The following ERVMER34-1 variants were observed in gnomAD, a reference collection of about 807,000 sequenced individuals.
ERVMER34-1 encodes endogenous retroviral envelope protein HEMO.
For synonymous variants in ERVMER34-1, 199 were observed against 111.7 expected (o/e 1.78, Z -4.93); for missense variants, 471 against 295.1 (o/e 1.60, Z -4.37).
rs1716121789 is a variant in ERVMER34-1 at position 52,745,239 on chromosome 4, G to A, written c.282C>T (p.Ser94=). The A allele has an allele frequency of 1.4e-6, 1 of 704,068 alleles. No homozygotes were observed. The highest frequency in any genetic ancestry group is 2.6e-6 in the Non-Finnish European group (1 of 384,996). The allele number at this position is 704,068 out of a possible 1,614,324, so 43.6% of individuals were successfully genotyped here. A position where few individuals can be genotyped will look rare whatever the true frequency, so the allele number is the denominator to read the frequency against. ...CCCAGTGCCAAGTCACTTTACGATA[G>A]GAGGAAGTAGAGTGATTCTGTACTT... ...QAEVQNHSTS[S]YRKVTWHWEA... Residue 94 remains serine, a synonymous_variant, in exon 3 of 3, where the codon TCC becomes TCT. Transcript: ENST00000443173.
At chr4:52,748,850 A>G (rs1204238481) in intron 2 of ERVMER34-1, among the ~76,000 whole-genome samples, 1 of 151,102 alleles carries the variant, frequency 6.6e-6, no homozygotes, top group African/African-American at 2.4e-5. Context: ...TGCATAGCAT[A>G]TTTTTTTTTC....
rs369303904 is a variant in ERVMER34-1 at position 52,744,224 on chromosome 4, G to T, written c.1297C>A (p.Arg433=). 2.8e-6 allele frequency: 2 copies of T among 704,108 alleles called. No individual in the cohort carries two copies. The highest frequency in any genetic ancestry group is 5.2e-6 in the Non-Finnish European group (2 of 385,006). 43.6% of individuals were successfully genotyped at this position (704,108 alleles called of 1,614,324 possible). Residue 433 remains arginine, a synonymous_variant, in exon 3 of 3, where the codon CGA becomes AGA. Transcript: ENST00000443173. ...DHVLDIPTTQ[R]QTACGTVGKQ... is the part of the protein sequence containing the mutation. ...CCAACAGTTCCACAAGCCGTTTGTCGTTGGGTGGTCGGTATATCCAAGACA... is the reference window on the plus strand; with the variant it reads ...CCAACAGTTCCACAAGCCGTTTGTCTTTGGGTGGTCGGTATATCCAAGACA...
At position 52,744,235 on chromosome 4, in the gene ERVMER34-1, G is replaced by A. The variant is rs141114710; in HGVS notation, c.1286C>T (p.Pro429Leu). 4.8e-3 allele frequency: 3,349 copies of A among 703,992 alleles called. 33 individuals carry two copies. Among genetic ancestry groups the A allele is most frequent in the Middle Eastern group, 0.017 (75 of 4,370 alleles). The allele number at this position is 703,992 out of a possible 1,614,324, so 43.6% of individuals were successfully genotyped here. The part of the protein sequence containing the change: ...ASRKDHVLDI[P>L]TTQRQTACGT... ...ACAAGCCGTTTGTCGTTGGGTGGTCGGTATATCCAAGACATGATCCTTTCG... is the reference window on the plus strand; with the variant it reads ...ACAAGCCGTTTGTCGTTGGGTGGTCAGTATATCCAAGACATGATCCTTTCG... Residue 429 changes from proline to leucine, a missense_variant, in exon 3 of 3, where the codon CCG becomes CTG. Pro to Leu is a moderately conservative substitution (Grantham distance 98, BLOSUM62 -3). Coordinates refer to ENST00000443173, the MANE Select transcript of ERVMER34-1 (RefSeq NM_001242690.2).
intron 2 of ERVMER34-1, among the ~76,000 whole-genome samples, chr4:52,748,860 C>CT (rs920653974): frequency 5.3e-5 from 8 of 150,604 alleles, no homozygotes; most frequent in Non-Finnish European, 3.0e-5. Flanking sequence ...ATTTTTTTTT[C>CT]TTTTTTTTCC....
chr4:52,750,297 C>T (rs187553424), intron 2 of ERVMER34-1, among the ~76,000 whole-genome samples: 4 of 151,582 alleles, frequency 2.6e-5, no homozygotes, highest in African/African-American at 9.8e-5. Context: ...CTGCGCCCTA[C>T]CCCCCCATAG....
At chr4:52,748,555 C>G (rs1296951566) in intron 2 of ERVMER34-1, among the ~76,000 whole-genome samples, 1 of 152,146 alleles carries the variant, frequency 6.6e-6, no homozygotes, top group Non-Finnish European at 1.5e-5. Flanking sequence ...CCCGCAAAGG[C>G]CTTGCGTCAC....
In ERVMER34-1 at chr4:52,745,123, C is replaced by T. The variant is rs185720967; in HGVS notation, c.398G>A (p.Ser133Asn). 7 of 704,152 alleles carry T rather than the reference C, an allele frequency of 9.9e-6. No individual in the cohort carries two copies. The Admixed American group carries it at 1.0e-4, about 10-fold the overall frequency. 43.6% of individuals were successfully genotyped at this position (704,152 alleles called of 1,614,324 possible). A position where few individuals can be genotyped will look rare whatever the true frequency, so the allele number is the denominator to read the frequency against. The change falls in exon 3 of 3, where the codon AGT (serine) becomes AAT (asparagine). Residue 133 changes from serine (S) to asparagine (N), a missense_variant. Transcript: ENST00000443173. ...AGGTATATTACCTAGGAAGGGTCCACTGCCATTTTTATTTTCTACGCAAAG... is the reference window on the plus strand; with the variant it reads ...AGGTATATTACCTAGGAAGGGTCCATTGCCATTTTTATTTTCTACGCAAAG... Reference protein sequence around the residue: ...FSLCVENKNGSGPFLGNIPKQ... With the variant: ...FSLCVENKNGNGPFLGNIPKQ...
In ERVMER34-1 at chr4:52,743,085, G is replaced by T. The variant is rs1560435709; in HGVS notation, c.*744C>A. On this transcript the variant is annotated 3_prime_UTR_variant, in exon 3 of 3. Coordinates refer to ENST00000443173, the MANE Select transcript of ERVMER34-1 (RefSeq NM_001242690.2). ...AGATGCATGTAAGGAACTCACCAGA[G>T]GACTGGGCAGAGTGAAGCATTTGAT... 1 of 151,404 alleles carries T rather than the reference G, an allele frequency of 6.6e-6. No individual in the cohort carries two copies. The highest frequency in any genetic ancestry group is 1.5e-5 in the Non-Finnish European group (1 of 67,954). 9.4% of individuals were successfully genotyped at this position (151,404 alleles called of 1,614,324 possible).
Position 52,745,016 on chromosome 4 carries a change from T to A in ERVMER34-1, c.505A>T (p.Arg169Trp), listed in dbSNP as rs1382378907. 1 of 704,196 alleles carries A rather than the reference T, an allele frequency of 1.4e-6. No individual in the cohort carries two copies. Among genetic ancestry groups the A allele is most frequent in the Admixed American group, 2.0e-5 (1 of 50,022 alleles). 43.6% of individuals were successfully genotyped at this position (704,196 alleles called of 1,614,324 possible). A position where few individuals can be genotyped will look rare whatever the true frequency, so the allele number is the denominator to read the frequency against. ...ACACTTGTATCATCATCATCGTTCC[T>A]GGATTCATTTGTAACATCTATAGAG... ...MPSIDVTNESRNDDDDTSVCL... is the reference protein window; with the variant it reads ...MPSIDVTNESWNDDDDTSVCL... The change falls in exon 3 of 3, where the codon AGG (arginine) becomes TGG (tryptophan). Residue 169 changes from arginine (R) to tryptophan (W), a missense_variant. Coordinates refer to ENST00000443173, the MANE Select transcript of ERVMER34-1 (RefSeq NM_001242690.2).
chr4:52,744,883 C>T lies in ERVMER34-1; in HGVS notation c.638G>A (p.Trp213Ter), dbSNP rs897252967. ...GGTCAATCCAGAATTTCGATCTACCCATTTGTAGTCTTGGGTATTGGGCAG... is the reference window on the plus strand; with the variant it reads ...GGTCAATCCAGAATTTCGATCTACCTATTTGTAGTCTTGGGTATTGGGCAG... ...IGLPNTQDYK[W>*]VDRNSGLTWS... is the part of the protein sequence containing the mutation. The change falls in exon 3 of 3, where the codon TGG becomes TAG. Residue 213 changes from tryptophan to a stop codon, truncating the protein, a stop_gained. Transcript: ENST00000443173. LOFTEE classifies it low-confidence loss of function (END_TRUNC). 1.3e-5 allele frequency: 9 copies of T among 703,964 alleles called. No homozygotes were observed. The Admixed American group carries it at 1.6e-4, about 13-fold the overall frequency. 43.6% of individuals were successfully genotyped at this position (703,964 alleles called of 1,614,324 possible). A position where few individuals can be genotyped will look rare whatever the true frequency, so the allele number is the denominator to read the frequency against.
chr4:52,743,990 C>A lies in ERVMER34-1; in HGVS notation c.1531G>T (p.Val511Phe). 1.3e-6 allele frequency: 1 copy of A among 742,346 alleles called. No individual in the cohort carries two copies. The highest frequency in any genetic ancestry group is 2.0e-5 in the Admixed American group (1 of 50,062). The allele number at this position is 742,346 out of a possible 1,614,324, so 46.0% of individuals were successfully genotyped here. ...LFIFVLIYVR[V>F]FRKSRRSLNS... ...AGGGATCTGCGAGATTTGCGAAAGACACGAACATAGATTAAAACAAAGATG... is the reference window on the plus strand; with the variant it reads ...AGGGATCTGCGAGATTTGCGAAAGAAACGAACATAGATTAAAACAAAGATG... Residue 511 changes from valine (V) to phenylalanine (F), a missense_variant, in exon 3 of 3, where the codon GTC (valine) becomes TTC (phenylalanine). Transcript: ENST00000443173.
At position 52,745,240 on chromosome 4, in the gene ERVMER34-1, G is replaced by A. The variant is rs1217128631; in HGVS notation, c.281C>T (p.Ser94Phe). ...QAEVQNHSTSSYRKVTWHWEA... is the reference protein window; with the variant it reads ...QAEVQNHSTSFYRKVTWHWEA... ...CCAGTGCCAAGTCACTTTACGATAGGAGGAAGTAGAGTGATTCTGTACTTC... is the reference window on the plus strand; with the variant it reads ...CCAGTGCCAAGTCACTTTACGATAGAAGGAAGTAGAGTGATTCTGTACTTC... The change falls in exon 3 of 3, where the codon TCC (serine) becomes TTC (phenylalanine). Residue 94 changes from serine (S) to phenylalanine (F), a missense_variant. Transcript: ENST00000443173. 1.4e-6 allele frequency: 1 copy of A among 703,920 alleles called. No individual in the cohort carries two copies. Among genetic ancestry groups the A allele is most frequent in the Non-Finnish European group, 2.6e-6 (1 of 385,014 alleles). The allele number at this position is 703,920 out of a possible 1,614,324, so 43.6% of individuals were successfully genotyped here.
At position 52,743,551 on chromosome 4, in the gene ERVMER34-1, T is replaced by C. The variant is rs567982867; in HGVS notation, c.*278A>G. 1.6e-5 allele frequency: 5 copies of C among 308,364 alleles called. No homozygotes were observed. The highest frequency in any genetic ancestry group is 1.1e-4 in the East Asian group (2 of 18,158). 19.1% of individuals were successfully genotyped at this position (308,364 alleles called of 1,614,324 possible). ...CAATAGAAAAAACATTTATTATATA[T>C]GCATGCAAGAACACTACAAAGAGTA... is the stretch of plus-strand genomic sequence containing the variant. On this transcript the variant is annotated 3_prime_UTR_variant, in exon 3 of 3. Coordinates refer to ENST00000443173, the MANE Select transcript of ERVMER34-1 (RefSeq NM_001242690.2).
In ERVMER34-1 at chr4:52,744,283, ACTTT is replaced by A. The variant is rs1394056892; in HGVS notation, c.1234_1237del (p.Lys412LeufsTer4). On this transcript the variant is annotated frameshift_variant, in exon 3 of 3. Transcript: ENST00000443173. LOFTEE classifies it low-confidence loss of function (END_TRUNC). The stretch of plus-strand genomic sequence containing the variant: ...TCGGGATGCAGAGGCTAAACTGCTA[ACTTT>A]TGATTGGTGTGCTTCCAAGGTCTGC... 1 of 704,184 alleles carries A rather than the reference ACTTT, an allele frequency of 1.4e-6. No homozygotes were observed. The highest frequency in any genetic ancestry group is 2.0e-5 in the Admixed American group (1 of 50,018). 43.6% of individuals were successfully genotyped at this position (704,184 alleles called of 1,614,324 possible).
chr4:52,745,181 C>A lies in ERVMER34-1; in HGVS notation c.340G>T (p.Ala114Ser), dbSNP rs930071631. Reference sequence around the variant, plus strand: ...TTTCCCTCCAATAACCTTACTTGAGCAAAGGATAGACCTTGAGCTTCCATG... The same window carrying A: ...TTTCCCTCCAATAACCTTACTTGAGAAAAGGATAGACCTTGAGCTTCCATG... ...ASMEAQGLSF[A>S]QVRLLEGNFS... The change falls in exon 3 of 3, where the codon GCT becomes TCT. Residue 114 changes from alanine to serine, a missense_variant. Ala to Ser is a moderately conservative substitution (Grantham distance 99). Coordinates refer to ENST00000443173, the MANE Select transcript of ERVMER34-1 (RefSeq NM_001242690.2). The A allele has an allele frequency of 2.8e-6, 2 of 704,102 alleles. No individual in the cohort carries two copies. Among genetic ancestry groups the A allele is most frequent in the Non-Finnish European group, 2.6e-6 (1 of 384,994 alleles). The allele number at this position is 704,102 out of a possible 1,614,324, so 43.6% of individuals were successfully genotyped here. A position where few individuals can be genotyped will look rare whatever the true frequency, so the allele number is the denominator to read the frequency against.
chr4:52,743,775 C>T lies in ERVMER34-1; in HGVS notation c.*54G>A. 5 of 1,435,138 alleles carry T rather than the reference C, an allele frequency of 3.5e-6. No homozygotes were observed. Among genetic ancestry groups the T allele is most frequent in the Non-Finnish European group, 4.6e-6 (5 of 1,096,322 alleles). The allele number at this position is 1,435,138 out of a possible 1,614,324, so 88.9% of individuals were successfully genotyped here. ...AATTCTCGGTAAGACCTGCTTTACT[C>T]ATCAAAGTTTAGCTAAGGCTTTTTG... On this transcript the variant is annotated 3_prime_UTR_variant, in exon 3 of 3. Transcript: ENST00000443173.
At chr4:52,747,850 C>A (rs997593841) in intron 2 of ERVMER34-1, among the ~76,000 whole-genome samples, 7 of 152,322 alleles carry the variant, frequency 4.6e-5, no homozygotes, top group African/African-American at 1.7e-4. Context: ...CCAGCCTGAC[C>A]AACATGGAGA....
Position 52,744,225 on chromosome 4 carries a change from T to C in ERVMER34-1, c.1296A>G (p.Gln432=). 1.4e-6 allele frequency: 1 copy of C among 704,134 alleles called. No homozygotes were observed. The highest frequency in any genetic ancestry group is 2.6e-6 in the Non-Finnish European group (1 of 385,006). 43.6% of individuals were successfully genotyped at this position (704,134 alleles called of 1,614,324 possible). ...KDHVLDIPTT[Q]RQTACGTVGK... ...CAACAGTTCCACAAGCCGTTTGTCG[T>C]TGGGTGGTCGGTATATCCAAGACAT... The change falls in exon 3 of 3, where the codon CAA becomes CAG. Residue 432 remains glutamine (Q), a synonymous_variant. Transcript: ENST00000443173.
chr4:52,747,760 G>A (rs1281975342), intron 2 of ERVMER34-1, among the ~76,000 whole-genome samples: 3 of 152,208 alleles, frequency 2.0e-5, no homozygotes, highest in Non-Finnish European at 2.9e-5. Context: ...AGATGCAGCC[G>A]GGCACAGTGG....
Sources: gnomAD v4.1 joint callset for allele counts (sites outside exome capture counted in the v4.1 genomes callset) on GRCh38, gnomAD v4.1.1 for gene constraint, MANE v1.5 for transcripts, NCBI Gene and HGNC (gene_info 2026-07-23, HGNC 2026-07-21) for gene names.